ATG7: variants seen among roughly 807,000 people sequenced by gnomAD.
The protein encoded by ATG7 is autophagy related 7.
A neutral mutation model predicts 82.4 loss-of-function variants in ATG7; 70 were observed. The observed-to-expected ratio is 0.85, with a 90% CI of 0.70 to 1.04. The LOEUF is 1.04. Among genes scored for constraint, ATG7 ranks in the 50% least tolerant of loss-of-function variants. The probability of loss-of-function intolerance (pLI) is 0.00; values close to 1 mark genes in which losing one functional copy is unlikely to be tolerated. For missense variants in ATG7, 792 were observed against 864.3 expected, an observed-to-expected ratio of 0.92 and a Z score of 1.05; for synonymous variants, 287 against 313.0, an observed-to-expected ratio of 0.92 and a Z score of 0.88.
At chr3:11,389,635 A>T (rs2078624983) in intron 19 of ATG7, among the ~76,000 whole-genome samples, 1 of 152,218 alleles carries the variant, frequency 6.6e-6, no homozygotes, top group Admixed American at 6.5e-5. Context: ...GAGAATACAC[A>T]TGAGCAAGTT....
chr3:11,538,218 G>A lies in ATG7; in HGVS notation c.2080-16593G>A, dbSNP rs563713515. ...GGGAATAACCGAGGGCCTCGTGGCA[G>A]GCTGGGTGGCACTGCCCTCTCAACG... is the stretch of plus-strand genomic sequence containing the variant. On this transcript the variant is annotated intron_variant, in intron 20 of 20. Coordinates refer to ENST00000693202, the MANE Select transcript of ATG7 (RefSeq NM_001349232.2). 4.6e-3 allele frequency among the ~76,000 whole-genome samples: 702 copies of A among 152,330 alleles called. 5 individuals carry two copies. Among genetic ancestry groups the A allele is most frequent in the Non-Finnish European group, 5.5e-3 (376 of 68,032 alleles).
chr3:11,522,904 G>A (rs1469068200), intron 20 of ATG7, among the ~76,000 whole-genome samples: 2 of 152,142 alleles, frequency 1.3e-5, no homozygotes. Flanking sequence ...TCTGAGGTCA[G>A]GTCCCAGCCC....
At chr3:11,321,425 GACCAGCA>G (rs1366896077) in intron 9 of ATG7, among the ~76,000 whole-genome samples, 2 of 151,682 alleles carry the variant, frequency 1.3e-5, no homozygotes, top group East Asian at 3.9e-4. Flanking sequence ...TTTTGACCGT[GACCAGCA>G]TGCAGCTGGT....
At chr3:11,495,079 G>GAA (rs368633027) in intron 20 of ATG7, among the ~76,000 whole-genome samples, 2 of 146,418 alleles carry the variant, frequency 1.4e-5, no homozygotes, top group East Asian at 2.0e-4. Flanking sequence ...CTCCGTCTCA[G>GAA]AAAAAAAAAA....
intron 20 of ATG7, among the ~76,000 whole-genome samples, chr3:11,459,635 G>A (rs186368593): frequency 1.1e-3 from 174 of 152,180 alleles, no homozygotes; most frequent in Non-Finnish European, 1.2e-3. Flanking sequence ...CTTCTTGTCT[G>A]ATAACAGCCA....
chr3:11,480,936 C>T (rs1042507832), intron 20 of ATG7, among the ~76,000 whole-genome samples: 1 of 152,202 alleles, frequency 6.6e-6, no homozygotes, highest in Non-Finnish European at 1.5e-5. Context: ...GTCCTGGTCA[C>T]AGCAGATGAT....
intron 20 of ATG7, among the ~76,000 whole-genome samples, chr3:11,506,587 C>CAAAAAAAAAAAAAAAA (rs1275955326): frequency 5.9e-5 from 7 of 119,540 alleles, no homozygotes; most frequent in African/African-American, 2.1e-4. Context: ...AAAAAAAACC[C>CAAAAAAAAAAAAAAAA]AAAAATTAGC....
At chr3:11,423,151 T>A (rs925185360) in intron 19 of ATG7, among the ~76,000 whole-genome samples, 1 of 152,174 alleles carries the variant, frequency 6.6e-6, no homozygotes, top group Admixed American at 6.5e-5. Context: ...CATTCAGTAT[T>A]GTTTTGTTGC....
chr3:11,434,291 A>G (rs2083172174), intron 20 of ATG7, among the ~76,000 whole-genome samples: 1 of 152,230 alleles, frequency 6.6e-6, no homozygotes, highest in Non-Finnish European at 1.5e-5. Context: ...GGAGGCCAGC[A>G]GAAGCTGTGG....
chr3:11,290,753 C>T (rs1000327584), intron 3 of ATG7: 8 of 173,980 alleles, frequency 4.6e-5, no homozygotes, highest in Non-Finnish European at 7.5e-5. Context: ...GGTGCGATCT[C>T]AGCTCACTGC....
At chr3:11,501,915 C>T (rs2091355615) in intron 20 of ATG7, among the ~76,000 whole-genome samples, 1 of 152,156 alleles carries the variant, frequency 6.6e-6, no homozygotes, top group Admixed American at 6.5e-5. Context: ...GTCTAGAACT[C>T]CTGACCTCAG....
At chr3:11,539,796 C>T (rs1311150708) in intron 20 of ATG7, among the ~76,000 whole-genome samples, 40 of 152,224 alleles carry the variant, frequency 2.6e-4, no homozygotes, top group Admixed American at 2.6e-3. Flanking sequence ...GAAACGTACT[C>T]GCTTGTGGAA....
chr3:11,451,916 C>CAT, intron 20 of ATG7, among the ~76,000 whole-genome samples: 1 of 151,228 alleles, frequency 6.6e-6, no homozygotes, highest in South Asian at 2.1e-4. Flanking sequence ...CACACACACA[C>CAT]ACATATACAT....
At chr3:11,562,665 G>A (rs1056291066), downstream of ATG7, among the ~76,000 whole-genome samples, 1 of 152,258 alleles carries the variant, frequency 6.6e-6, no homozygotes, top group African/African-American at 2.4e-5. Context: ...CGCTGCCGCA[G>A]GAAGGAGCCC....
At chr3:11,361,121 G>C (rs1267848880) in intron 16 of ATG7, among the ~76,000 whole-genome samples, 2 of 152,124 alleles carry the variant, frequency 1.3e-5, no homozygotes, top group Non-Finnish European at 2.9e-5. Context: ...GGAGTCTAAA[G>C]ACCAGATTCC....
intron 20 of ATG7, among the ~76,000 whole-genome samples, chr3:11,434,148 G>A (rs745857199): frequency 6.6e-6 from 1 of 152,092 alleles, no homozygotes; most frequent in Non-Finnish European, 1.5e-5. Context: ...CTGAGATTTT[G>A]GCCTCTCCCC....
intron 18 of ATG7, among the ~76,000 whole-genome samples, chr3:11,378,818 A>G (rs1285586006): frequency 4.6e-5 from 7 of 152,094 alleles, no homozygotes; most frequent in East Asian, 3.8e-4. Flanking sequence ...CCAAAACTCA[A>G]AAGAAGCCTT....
intron 2 of ATG7, among the ~76,000 whole-genome samples, chr3:11,281,367 G>A (rs1430785406): frequency 1.3e-5 from 2 of 152,246 alleles, no homozygotes; most frequent in African/African-American, 2.4e-5. Flanking sequence ...AAGCAGAGGT[G>A]TAATTTTCTG....
chr3:11,561,395 A>G (rs1331033779), downstream of ATG7, among the ~76,000 whole-genome samples: 1 of 152,176 alleles, frequency 6.6e-6, no homozygotes, highest in African/African-American at 2.4e-5. Flanking sequence ...CCTTCAGGGC[A>G]TCTCCTGACC....
Sources: allele counts gnomAD v4.1 joint callset (sites outside exome capture counted in the v4.1 genomes callset), GRCh38; gene constraint gnomAD v4.1.1; transcripts MANE v1.5; gene names NCBI Gene and HGNC (gene_info 2026-07-23, HGNC 2026-07-21).